Variants in SFMBT1 observed in about 807,000 individuals in gnomAD.
SFMBT1 encodes Scm like with four mbt domains 1.
Under a neutral mutation model 108.7 loss-of-function variants are expected in SFMBT1, and 32 were observed. The ratio of observed to expected loss-of-function variants is 0.29; its 90% CI spans 0.22 to 0.40. The LOEUF (loss-of-function observed/expected upper bound fraction) is 0.40. SFMBT1 is among the 10% of genes least tolerant of loss of function. SFMBT1 has a pLI of 1.00. For synonymous variants in SFMBT1, 348 were observed against 369.5 expected, an observed-to-expected ratio of 0.94 and a Z score of 0.67; for missense variants, 816 against 1,059.6, an observed-to-expected ratio of 0.77 and a Z score of 3.19.
At chr3:52,941,750 T>G (rs539946593) in intron 4 of SFMBT1, among the ~76,000 whole-genome samples, 3 of 152,010 alleles carry the variant, frequency 2.0e-5, no homozygotes, top group African/African-American at 7.2e-5. Flanking sequence ...GTTTAAAAAT[T>G]AGTTGGGTAT....
chr3:53,002,182 C>T (rs1159882202), intron 1 of SFMBT1, among the ~76,000 whole-genome samples: 5 of 149,342 alleles, frequency 3.3e-5, no homozygotes, highest in East Asian at 3.9e-4. Flanking sequence ...AGGTGGATCA[C>T]GGGGTTAGGA....
At chr3:52,998,465 T>G (rs898954648) in intron 1 of SFMBT1, among the ~76,000 whole-genome samples, 4 of 150,404 alleles carry the variant, frequency 2.7e-5, no homozygotes, top group Non-Finnish European at 4.5e-5. Flanking sequence ...AAGTAAAGGC[T>G]GGGTGCAGCT....
chr3:52,982,396 T>C (rs1704743084), intron 1 of SFMBT1, among the ~76,000 whole-genome samples: 1 of 152,098 alleles, frequency 6.6e-6, no homozygotes, highest in Non-Finnish European at 1.5e-5. Context: ...TGAAAGAGGT[T>C]GTAGATACGG....
intron 1 of SFMBT1, among the ~76,000 whole-genome samples, chr3:52,989,793 A>T (rs78889389): frequency 3.2e-3 from 68 of 21,260 alleles, no homozygotes; most frequent in Middle Eastern, 0.067. Context: ...ACTCCATCTC[A>T]AAAAAAAAAA....
At chr3:53,036,796 C>T (rs1174220549) in intron 1 of SFMBT1, among the ~76,000 whole-genome samples, 2 of 152,172 alleles carry the variant, frequency 1.3e-5, no homozygotes, top group Non-Finnish European at 2.9e-5. Flanking sequence ...CTGAATTCTC[C>T]TCCAAGGTAG....
intron 1 of SFMBT1, among the ~76,000 whole-genome samples, chr3:53,007,159 T>C (rs1176039290): frequency 6.6e-6 from 1 of 152,244 alleles, no homozygotes; most frequent in Admixed American, 6.5e-5. Flanking sequence ...TCAAAAGTGT[T>C]TGGGGGCTTT....
At chr3:52,950,982 A>G (rs1047715865) in intron 3 of SFMBT1, among the ~76,000 whole-genome samples, 2 of 151,358 alleles carry the variant, frequency 1.3e-5, no homozygotes, top group Admixed American at 6.6e-5. Flanking sequence ...AAGTTAGTCA[A>G]GCATGGTGGT....
chr3:52,910,487 A>C (rs1296262546), intron 17 of SFMBT1, among the ~76,000 whole-genome samples: 2 of 152,136 alleles, frequency 1.3e-5, no homozygotes, highest in Admixed American at 1.3e-4. Flanking sequence ...ACATTTTTTA[A>C]AGGGTTCTTT....
chr3:52,937,275 T>C (rs920177125), intron 4 of SFMBT1, among the ~76,000 whole-genome samples: 3 of 152,198 alleles, frequency 2.0e-5, no homozygotes, highest in Non-Finnish European at 4.4e-5. Flanking sequence ...TTTTTTGTTA[T>C]TGTTGTCCTT....
At chr3:52,940,239 C>T (rs1466486008) in intron 4 of SFMBT1, among the ~76,000 whole-genome samples, 3 of 152,254 alleles carry the variant, frequency 2.0e-5, no homozygotes, top group Non-Finnish European at 2.9e-5. Context: ...AGCCCACAGA[C>T]ATCCCAGGAC....
At chr3:52,952,893 A>G (rs1323523647) in intron 3 of SFMBT1, among the ~76,000 whole-genome samples, 2 of 152,208 alleles carry the variant, frequency 1.3e-5, no homozygotes, top group Non-Finnish European at 2.9e-5. Flanking sequence ...TCTTCCTTTA[A>G]GAAGAGACAC....
chr3:52,920,471 A>T, intron 12 of SFMBT1, 66 bp downstream of exon 12: 1 of 1,168,294 alleles, frequency 8.6e-7, no homozygotes, highest in Non-Finnish European at 1.3e-6. Context: ...GATTAGTTTT[A>T]ATTGGCAGCA....
chr3:53,040,967 A>ATTTTTTTT (rs1559560284), intron 1 of SFMBT1, among the ~76,000 whole-genome samples: 7 of 72,882 alleles, frequency 9.6e-5, no homozygotes, highest in Non-Finnish European at 1.8e-4. Context: ...AAGACACCTG[A>ATTTTTTTT]ATTTTTTTTT....
At chr3:52,984,053 A>C (rs1704818851) in intron 1 of SFMBT1, among the ~76,000 whole-genome samples, 1 of 152,194 alleles carries the variant, frequency 6.6e-6, no homozygotes, top group Non-Finnish European at 1.5e-5. Flanking sequence ...GGAAGATGTA[A>C]GATGGATTTG....
chr3:52,910,862 A>G, intron 17 of SFMBT1, 141 bp downstream of exon 17: 2 of 675,718 alleles, frequency 3.0e-6, no homozygotes, highest in Non-Finnish European at 5.1e-6. Flanking sequence ...GACCCACAAC[A>G]TGAAATATTT....
In SFMBT1 at chr3:52,946,430, T is replaced by C. The variant is rs1040841588; in HGVS notation, c.124-2837A>G. Reference sequence around the variant, plus strand: ...TGTTTCCACACTATGTTAATGAAATTATGCGGTATGAATATTTTTTGAGTG... The same window carrying C: ...TGTTTCCACACTATGTTAATGAAATCATGCGGTATGAATATTTTTTGAGTG... On this transcript the variant is annotated intron_variant, in intron 3 of 20. Coordinates refer to ENST00000394752, the MANE Select transcript of SFMBT1 (RefSeq NM_016329.4). Among the ~76,000 whole-genome samples the C allele has an allele frequency of 2.0e-5, 3 of 152,244 alleles. No homozygotes were observed. The East Asian group carries it at 5.8e-4, about 29-fold the overall frequency.
At chr3:52,925,984 TC>T (rs1702645502) in intron 10 of SFMBT1, 46 bp downstream of exon 10, 10 of 1,361,660 alleles carry the variant, frequency 7.3e-6, no homozygotes, top group Non-Finnish European at 9.6e-6. Context: ...AGCACAGCAG[TC>T]CCTGCAGCCC....
rs1702846621 is a variant in SFMBT1 at position 52,931,167 on chromosome 3, T to A, written c.701-132A>T. The A allele has an allele frequency of 1.3e-5, 9 of 710,306 alleles. No individual in the cohort carries two copies. The East Asian group carries it at 2.4e-4, about 19-fold the overall frequency. 44.0% of individuals were successfully genotyped at this position (710,306 alleles called of 1,614,324 possible). A position where few individuals can be genotyped will look rare whatever the true frequency, so the allele number is the denominator to read the frequency against. On this transcript the variant is annotated intron_variant, in intron 6 of 20. Coordinates refer to ENST00000394752, the MANE Select transcript of SFMBT1 (RefSeq NM_016329.4). Reference sequence around the variant, plus strand: ...AGAAAAGGGTTCAAGCCCACTTATATCCCTTTACATTCAAAGAACTTGCAC... The same window carrying A: ...AGAAAAGGGTTCAAGCCCACTTATAACCCTTTACATTCAAAGAACTTGCAC...
intron 2 of SFMBT1, among the ~76,000 whole-genome samples, chr3:52,968,353 T>C (rs969698388): frequency 1.3e-5 from 2 of 151,294 alleles, no homozygotes; most frequent in Admixed American, 6.6e-5. Context: ...GAGGGGATGG[T>C]TCCAGGAATC....
Sources: gnomAD v4.1 joint callset for allele counts (sites outside exome capture counted in the v4.1 genomes callset) on GRCh38, gnomAD v4.1.1 for gene constraint, MANE v1.5 for transcripts, NCBI Gene and HGNC (gene_info 2026-07-23, HGNC 2026-07-21) for gene names.